Variants in RGS9 observed in about 807,000 individuals in gnomAD.
RGS9 encodes the protein regulator of G-protein signalling 9.
RGS9 carries 78 observed loss-of-function variants against 102.0 expected under a neutral mutation model. The observed-to-expected ratio is 0.76, with a 90% CI of 0.64 to 0.92. The LOEUF (loss-of-function observed/expected upper bound fraction) is 0.92, where lower values mean the gene tolerates loss of function less well. RGS9 is among the 40% of genes least tolerant of loss of function. RGS9 has a pLI of 0.00. For missense variants in RGS9, 833 were observed against 866.1 expected, an observed-to-expected ratio of 0.96 and a Z score of 0.48; for synonymous variants, 353 against 318.6, an observed-to-expected ratio of 1.11 and a Z score of -1.15.
At chr17:65,140,015 C>T (rs2143943443) in intron 1 of RGS9, among the ~76,000 whole-genome samples, 1 of 152,322 alleles carries the variant, frequency 6.6e-6, no homozygotes, top group South Asian at 2.1e-4. Context: ...ATGAAGTACA[C>T]GGTGTCCATG....
chr17:65,159,448 G>C (rs568106394), intron 3 of RGS9, among the ~76,000 whole-genome samples: 2 of 152,206 alleles, frequency 1.3e-5, no homozygotes, highest in Admixed American at 1.3e-4. Context: ...ACAACTTTAG[G>C]ACTTGGTCTT....
intron 17 of RGS9, among the ~76,000 whole-genome samples, chr17:65,218,512 G>T (rs1437339318): frequency 1.3e-5 from 2 of 152,210 alleles, no homozygotes; most frequent in Non-Finnish European, 2.9e-5. Flanking sequence ...GGACTTTGGG[G>T]TTAGGCAGAC....
chr17:65,153,310 A>T, intron 1 of RGS9, 112 bp from the exon 2 acceptor site: 1 of 892,018 alleles, frequency 1.1e-6, no homozygotes, highest in Non-Finnish European at 1.9e-6. Context: ...CAGATGGGGA[A>T]CCCCTGTGTC....
intron 15 of RGS9, 93 bp from the exon 16 acceptor site, chr17:65,207,829 A>G (rs1381058325): frequency 3.5e-6 from 3 of 860,446 alleles, no homozygotes; most frequent in African/African-American, 3.4e-5. Context: ...TTTCCATTCT[A>G]CTGCCAAGGG....
rs182109522 is a variant in RGS9, at chr17:65,141,739, G to T, written c.57+4142G>T. Among the ~76,000 whole-genome samples the T allele has an allele frequency of 4.2e-3, 646 of 152,240 alleles. 7 individuals carry two copies. The highest frequency in any genetic ancestry group is 0.015 in the African/African-American group (625 of 41,542). The stretch of plus-strand genomic sequence containing the variant: ...GGTCAGTTCTACCTGGGGTCAGGGG[G>T]GATCAGGACAGATTTTACAAGGGGG... On this transcript the variant is annotated intron_variant, in intron 1 of 18. Transcript: ENST00000262406.
intron 2 of RGS9, among the ~76,000 whole-genome samples, chr17:65,154,945 A>T (rs1910713118): frequency 6.6e-6 from 1 of 152,196 alleles, no homozygotes; most frequent in Non-Finnish European, 1.5e-5. Context: ...GCTGGCTCAC[A>T]GCTTCCCCTT....
chr17:65,160,441 G>A (rs1910936536), intron 4 of RGS9, 95 bp from the exon 5 acceptor site: 3 of 1,569,912 alleles, frequency 1.9e-6, no homozygotes, highest in Middle Eastern at 3.3e-4. Context: ...AATGGTGGAG[G>A]GGGCCAAGGT....
intron 7 of RGS9, among the ~76,000 whole-genome samples, chr17:65,163,513 A>G (rs926163448): frequency 1.3e-5 from 2 of 152,062 alleles, no homozygotes; most frequent in African/African-American, 4.8e-5. Flanking sequence ...ATTAAAATAA[A>G]CTTGTTTTTG....
intron 9 of RGS9, among the ~76,000 whole-genome samples, chr17:65,182,584 T>C (rs146635948): frequency 3.5e-4 from 54 of 152,368 alleles, no homozygotes; most frequent in Middle Eastern, 3.4e-3. Flanking sequence ...GAAGTTTTTC[T>C]GCATTTCCTG....
chr17:65,190,917 T>C (rs112690040), intron 11 of RGS9, among the ~76,000 whole-genome samples: 1 of 152,264 alleles, frequency 6.6e-6, no homozygotes, highest in Non-Finnish European at 1.5e-5. Flanking sequence ...GTATTCTGAC[T>C]GTGTAAGACT....
intron 1 of RGS9, among the ~76,000 whole-genome samples, chr17:65,149,529 A>G (rs891664074): frequency 1.8e-4 from 27 of 152,134 alleles, no homozygotes; most frequent in African/African-American, 6.3e-4. Flanking sequence ...ATAAATACCT[A>G]TACTTATTTG....
At chr17:65,178,097 GA>G (rs1284623136) in intron 9 of RGS9, among the ~76,000 whole-genome samples, 1 of 152,136 alleles carries the variant, frequency 6.6e-6, no homozygotes, top group Non-Finnish European at 1.5e-5. Context: ...TTCCCCCTTC[GA>G]AAATCTGATG....
At chr17:65,148,988 GTC>G (rs902182272) in intron 1 of RGS9, among the ~76,000 whole-genome samples, 1 of 152,040 alleles carries the variant, frequency 6.6e-6, no homozygotes, top group East Asian at 1.9e-4. Context: ...TTGAGGCAAG[GTC>G]TCTCTCTGTT....
chr17:65,158,733 G>C, intron 3 of RGS9: 1 of 363,558 alleles, frequency 2.8e-6, no homozygotes, highest in Non-Finnish European at 5.3e-6. Flanking sequence ...GAAAGTGGAG[G>C]AGTGACAAGG....
chr17:65,150,871 G>T (rs1910552043), intron 1 of RGS9, among the ~76,000 whole-genome samples: 1 of 152,218 alleles, frequency 6.6e-6, no homozygotes, highest in South Asian at 2.1e-4. Flanking sequence ...GCACATCTGG[G>T]GCAGGGGGAG....
chr17:65,227,509 T>C lies in RGS9; in HGVS notation c.*102T>C. The C allele has an allele frequency of 6.8e-7, 1 of 1,467,144 alleles. No individual in the cohort carries two copies. Among genetic ancestry groups the C allele is most frequent in the Non-Finnish European group, 9.3e-7 (1 of 1,074,898 alleles). The allele number at this position is 1,467,144 out of a possible 1,614,324, so 90.9% of individuals were successfully genotyped here. A position where few individuals can be genotyped will look rare whatever the true frequency, so the allele number is the denominator to read the frequency against. Reference sequence around the variant, plus strand: ...ACACTTGCTCGAGAACCAAAGTGCATTTGGGTGACATTTGAAGATTGGGGA... The same window carrying C: ...ACACTTGCTCGAGAACCAAAGTGCACTTGGGTGACATTTGAAGATTGGGGA... On this transcript the variant is annotated 3_prime_UTR_variant, in exon 19 of 19. Transcript: ENST00000262406.
intron 6 of RGS9, among the ~76,000 whole-genome samples, chr17:65,161,706 A>G (rs1206374344): frequency 7.4e-6 from 1 of 135,552 alleles, no homozygotes; most frequent in African/African-American, 3.6e-5. Context: ...ATTTTTATTT[A>G]TATATTTATT....
intron 11 of RGS9, among the ~76,000 whole-genome samples, chr17:65,192,932 C>G (rs908979481): frequency 1.3e-5 from 2 of 152,006 alleles, no homozygotes. Flanking sequence ...AATCTAAAAA[C>G]CTATTGATAA....
chr17:65,172,204 T>C (rs142257386), intron 8 of RGS9, among the ~76,000 whole-genome samples: 2,760 of 152,284 alleles, frequency 0.018, 98 homozygotes, highest in African/African-American at 0.062. Flanking sequence ...AATGTGTTTT[T>C]TGTTTGTTTG....
Sources: gnomAD v4.1 joint callset for allele counts (sites outside exome capture counted in the v4.1 genomes callset) on GRCh38, gnomAD v4.1.1 for gene constraint, MANE v1.5 for transcripts, NCBI Gene and HGNC (gene_info 2026-07-23, HGNC 2026-07-21) for gene names.